The following WWTR1 variants were observed in gnomAD, a reference collection of about 807,000 sequenced individuals.
WWTR1 encodes WW domain containing transcription regulator 1.
A neutral mutation model predicts 40.1 loss-of-function variants in WWTR1; 13 were observed. The ratio of observed to expected loss-of-function variants is 0.32; its 90% CI spans 0.21 to 0.52. The LOEUF (loss-of-function observed/expected upper bound fraction) is 0.52. Ranked by LOEUF, WWTR1 falls within the 20% of genes least tolerant of loss-of-function variation. WWTR1 has a pLI of 0.97. For synonymous variants in WWTR1, 230 were observed against 210.1 expected, an observed-to-expected ratio of 1.09 and a Z score of -0.82; for missense variants, 436 against 523.1, an observed-to-expected ratio of 0.83 and a Z score of 1.63.
At position 149,600,355 on chromosome 3, in the gene WWTR1, A is replaced by G. The variant is rs563815499; in HGVS notation, c.432-27355T>C. Among the ~76,000 whole-genome samples the G allele has an allele frequency of 6.6e-5, 10 of 152,340 alleles. No homozygotes were observed. The South Asian group carries it at 2.1e-3, about 32-fold the overall frequency. The stretch of plus-strand genomic sequence containing the variant: ...GAATATAATTGAGTTAATATATGTA[A>G]AGTGCCTGGTACATAGCAAACACTA... On this transcript the variant is annotated intron_variant, in intron 2 of 6. Transcript: ENST00000360632.
rs1734845384 is a variant in WWTR1 at position 149,517,575 on chromosome 3, T to C, written c.*3230A>G. On this transcript the variant is annotated 3_prime_UTR_variant, in exon 7 of 7. Coordinates refer to ENST00000360632, the MANE Select transcript of WWTR1 (RefSeq NM_015472.6). ...TCTAATTACGTCATGAGAACACAACTTGTAATTAGCAACACTTCTGTCAGT... is the reference window on the plus strand; with the variant it reads ...TCTAATTACGTCATGAGAACACAACCTGTAATTAGCAACACTTCTGTCAGT... 6.6e-6 allele frequency: 1 copy of C among 152,190 alleles called. No individual in the cohort carries two copies. Among genetic ancestry groups the C allele is most frequent in the Admixed American group, 6.5e-5 (1 of 15,280 alleles). The allele number at this position is 152,190 out of a possible 1,614,324, so 9.4% of individuals were successfully genotyped here. A position where few individuals can be genotyped will look rare whatever the true frequency, so the allele number is the denominator to read the frequency against.
chr3:149,612,281 C>G (rs1739767100), intron 2 of WWTR1, among the ~76,000 whole-genome samples: 1 of 151,672 alleles, frequency 6.6e-6, no homozygotes, highest in South Asian at 2.1e-4. Flanking sequence ...TCATTTTATA[C>G]TTAATGAAAT....
intron 3 of WWTR1, among the ~76,000 whole-genome samples, chr3:149,571,224 T>C (rs1391685950): frequency 8.4e-6 from 1 of 118,462 alleles, no homozygotes; most frequent in Non-Finnish European, 2.1e-5. Context: ...CTTTTTTTTT[T>C]TTTTTTTTTT....
At chr3:149,575,097 C>CAA (rs35353624) in intron 2 of WWTR1, among the ~76,000 whole-genome samples, 4 of 145,568 alleles carry the variant, frequency 2.7e-5, no homozygotes, top group Admixed American at 6.9e-5. Context: ...CCATCCCCCC[C>CAA]AAAAAAAAAA....
chr3:149,603,475 T>C (rs1020630845), intron 2 of WWTR1, among the ~76,000 whole-genome samples: 2 of 152,162 alleles, frequency 1.3e-5, no homozygotes, highest in Non-Finnish European at 2.9e-5. Context: ...TGCTTTATGA[T>C]TTCTTTAGCT....
chr3:149,681,814 C>G (rs1453920116), intron 1 of WWTR1, among the ~76,000 whole-genome samples: 1 of 152,018 alleles, frequency 6.6e-6, no homozygotes, highest in Non-Finnish European at 1.5e-5. Context: ...TAAAATAAGC[C>G]AGCCACAGAA....
At chr3:149,702,464 C>CTTATTATTATTATTATTATTATTA (rs151003115) in intron 1 of WWTR1, 11 of 147,304 alleles carry the variant, frequency 7.5e-5, no homozygotes, top group South Asian at 4.3e-4. Context: ...CTCTCTAAGC[C>CTTATTATTATTATTATTATTATTA]TTATTATTAT....
intron 5 of WWTR1, among the ~76,000 whole-genome samples, chr3:149,713,723 C>A (rs964893520): frequency 6.6e-6 from 1 of 152,154 alleles, no homozygotes; most frequent in African/African-American, 2.4e-5. Context: ...CTTATCTGAG[C>A]CAGTTATAAG....
At chr3:149,637,418 A>G (rs932782761) in intron 2 of WWTR1, among the ~76,000 whole-genome samples, 1 of 151,672 alleles carries the variant, frequency 6.6e-6, no homozygotes, top group African/African-American at 2.4e-5. Context: ...TTTAGTAGAG[A>G]CGGGGTTTCA....
intron 3 of WWTR1, among the ~76,000 whole-genome samples, chr3:149,549,800 T>C (rs1736534668): frequency 2.0e-5 from 3 of 152,054 alleles, no homozygotes; most frequent in Non-Finnish European, 4.4e-5. Flanking sequence ...AATCATACTA[T>C]TGCACTCCAG....
At position 149,640,319 on chromosome 3, in the gene WWTR1, T is replaced by A. The variant is rs541734340; in HGVS notation, c.431+16557A>T. Among the ~76,000 whole-genome samples, 3 of 152,354 alleles carry A rather than the reference T, an allele frequency of 2.0e-5. No homozygotes were observed. The East Asian group carries it at 5.8e-4, about 29-fold the overall frequency. On this transcript the variant is annotated intron_variant, in intron 2 of 6. Coordinates refer to ENST00000360632, the MANE Select transcript of WWTR1 (RefSeq NM_015472.6). ...TATTTATCAGATCCAGACAGTTGCA[T>A]CTTAAAGAACTTTTTGAAAGTTTCT...
chr3:149,565,022 AC>A (rs1164024808), intron 3 of WWTR1, among the ~76,000 whole-genome samples: 2 of 151,926 alleles, frequency 1.3e-5, no homozygotes, highest in African/African-American at 4.8e-5. Context: ...ACCTACCTCT[AC>A]TAAAAAGTAC....
At chr3:149,720,727 A>C (rs922079615) in intron 4 of WWTR1, among the ~76,000 whole-genome samples, 2 of 152,112 alleles carry the variant, frequency 1.3e-5, no homozygotes, top group East Asian at 3.8e-4. Flanking sequence ...AATCTTAACA[A>C]TATTAAGTCT....
At chr3:149,722,989 C>G (rs1384542892) in intron 4 of WWTR1, among the ~76,000 whole-genome samples, 4 of 151,844 alleles carry the variant, frequency 2.6e-5, no homozygotes, top group Admixed American at 6.6e-5. Context: ...AAGTCCTTGT[C>G]TATTACAACC....
chr3:149,602,075 C>G (rs1218350529), intron 2 of WWTR1, among the ~76,000 whole-genome samples: 2 of 152,166 alleles, frequency 1.3e-5, no homozygotes, highest in Non-Finnish European at 2.9e-5. Context: ...CAACCACAAA[C>G]CAGGTCCTAC....
At chr3:149,547,105 A>G (rs1450479863) in intron 3 of WWTR1, among the ~76,000 whole-genome samples, 1 of 152,102 alleles carries the variant, frequency 6.6e-6, no homozygotes, top group Non-Finnish European at 1.5e-5. Flanking sequence ...TAAGGCAGAG[A>G]AAAAGAGAAA....
intron 2 of WWTR1, among the ~76,000 whole-genome samples, chr3:149,668,613 A>AAAAAAAAAAGC (rs548038608): frequency 6.8e-6 from 1 of 147,518 alleles, no homozygotes; most frequent in Admixed American, 6.9e-5. Context: ...GTCTCAAAAA[A>AAAAAAAAAAGC]AACAACAAAA....
At chr3:149,576,127 C>T in intron 2 of WWTR1, 1 of 456,634 alleles carries the variant, frequency 2.2e-6, no homozygotes, top group South Asian at 1.5e-5. Flanking sequence ...AGCCCAAATT[C>T]CTGGCTCTGC....
chr3:149,533,642 C>A (rs1300239847), intron 4 of WWTR1, among the ~76,000 whole-genome samples: 1 of 152,144 alleles, frequency 6.6e-6, no homozygotes, highest in East Asian at 1.9e-4. Context: ...GGCAGCATGG[C>A]ACAAGAGCAA....
Sources: gnomAD v4.1 joint callset for allele counts (sites outside exome capture counted in the v4.1 genomes callset) on GRCh38, gnomAD v4.1.1 for gene constraint, MANE v1.5 for transcripts, NCBI Gene and HGNC (gene_info 2026-07-23, HGNC 2026-07-21) for gene names.